Variants in SAMHD1 observed in about 807,000 individuals in gnomAD.
SAMHD1 encodes the protein deoxynucleoside triphosphate triphosphohydrolase SAMHD1.
A neutral mutation model predicts 79.6 loss-of-function variants in SAMHD1; 54 were observed. The ratio of observed to expected loss-of-function variants is 0.68; its 90% CI spans 0.55 to 0.85. SAMHD1 has a LOEUF of 0.85. Ranked by LOEUF, SAMHD1 falls within the 40% of genes least tolerant of loss-of-function variation. The pLI, the probability that SAMHD1 is intolerant of heterozygous loss-of-function variation, is 0.00. For synonymous variants in SAMHD1, 260 were observed against 264.1 expected (o/e 0.98, Z 0.15); for missense variants, 663 against 782.7 (o/e 0.85, Z 1.82).
intron 3 of SAMHD1, chr20:36,940,821 C>A (rs1388409874): frequency 6.8e-6 from 4 of 589,118 alleles, no homozygotes; most frequent in African/African-American, 1.9e-5. Context: ...TAGTGGTCTA[C>A]TTATGCTTTT....
Position 36,930,780 on chromosome 20 carries a change from G to A in SAMHD1, c.605C>T (p.Ala202Val), listed in dbSNP as rs1568776699. ...CTTACCGAGATCATGACAAAGTCCA[G>A]CAATCTGAACACAGAGAACATCTCG... ...SERDVLCVQI[A>V]GLCHDLGHGP... Residue 202 changes from alanine (A) to valine (V), a missense_variant, in exon 5 of 16, where the codon GCT becomes GTT. Transcript: ENST00000646673. 8 of 1,612,902 alleles carry A rather than the reference G, an allele frequency of 5.0e-6. No homozygotes were observed. Among genetic ancestry groups the A allele is most frequent in the Non-Finnish European group, 5.1e-6 (6 of 1,179,148 alleles).
At chr20:36,906,893 G>T (rs567876818) in intron 11 of SAMHD1, among the ~76,000 whole-genome samples, 26 of 151,636 alleles carry the variant, frequency 1.7e-4, no homozygotes, top group Non-Finnish European at 3.4e-4. Flanking sequence ...CTAGGTTCAA[G>T]TGATTCTCGT....
At chr20:36,915,848 A>G (rs2063471029) in intron 9 of SAMHD1, among the ~76,000 whole-genome samples, 1 of 152,094 alleles carries the variant, frequency 6.6e-6, no homozygotes, top group African/African-American at 2.4e-5. Context: ...ATTTTTCAAC[A>G]CTAATACAGT....
At chr20:36,903,179 C>T (rs1457447497) in intron 13 of SAMHD1, among the ~76,000 whole-genome samples, 1 of 152,170 alleles carries the variant, frequency 6.6e-6, no homozygotes, top group Non-Finnish European at 1.5e-5. Flanking sequence ...GTATGTTAAA[C>T]TAGTGATTTT....
At chr20:36,902,693 A>G (rs1267758790) in intron 13 of SAMHD1, among the ~76,000 whole-genome samples, 2 of 151,774 alleles carry the variant, frequency 1.3e-5, no homozygotes, top group Non-Finnish European at 2.9e-5. Context: ...AAGAGAGTTG[A>G]GGGTAACTGC....
Position 36,892,235 on chromosome 20 carries a change from C to T in SAMHD1, c.*697G>A, listed in dbSNP as rs538105455. The T allele has an allele frequency of 6.5e-6, 1 of 154,042 alleles. No homozygotes were observed. Among genetic ancestry groups the T allele is most frequent in the East Asian group, 1.9e-4 (1 of 5,238 alleles). 9.5% of individuals were successfully genotyped at this position (154,042 alleles called of 1,614,324 possible). ...TCTCACCAGCGTGTTGGAGGCCACT[C>T]CTGGCCATCATCTCCAACTCTTTAC... On this transcript the variant is annotated 3_prime_UTR_variant, in exon 16 of 16. Coordinates refer to ENST00000646673, the MANE Select transcript of SAMHD1 (RefSeq NM_015474.4).
At chr20:36,949,380 G>A (rs928983760) in intron 1 of SAMHD1, among the ~76,000 whole-genome samples, 5 of 151,620 alleles carry the variant, frequency 3.3e-5, no homozygotes, top group South Asian at 2.1e-4. Flanking sequence ...TTAGGAGGCC[G>A]AGGTGGGTGG....
intron 11 of SAMHD1, 139 bp from the exon 12 acceptor site, chr20:36,905,642 A>T (rs1210362040): frequency 2.5e-6 from 2 of 796,208 alleles, no homozygotes; most frequent in Admixed American, 2.5e-5. Context: ...TGTGAGAAAA[A>T]TTTTTAAAAG....
At chr20:36,944,942 AG>A (rs1600393112) in intron 2 of SAMHD1, among the ~76,000 whole-genome samples, 1 of 152,236 alleles carries the variant, frequency 6.6e-6, no homozygotes, top group African/African-American at 2.4e-5. Flanking sequence ...AGATCATTAA[AG>A]GAGCCCCACT....
intron 4 of SAMHD1, 25 bp downstream of exon 4, chr20:36,935,004 G>A: frequency 6.2e-7 from 1 of 1,611,898 alleles, no homozygotes; most frequent in Non-Finnish European, 8.5e-7. Context: ...AAAACTGCAA[G>A]TTCCCCACCC....
chr20:36,898,884 C>T (rs1226862278), intron 13 of SAMHD1, among the ~76,000 whole-genome samples: 2 of 143,586 alleles, frequency 1.4e-5, no homozygotes, highest in African/African-American at 5.3e-5. Flanking sequence ...TGCACTCCAG[C>T]CTGGCGACAG....
At chr20:36,937,863 T>TTG (rs1267563819) in intron 3 of SAMHD1, among the ~76,000 whole-genome samples, 5 of 151,390 alleles carry the variant, frequency 3.3e-5, no homozygotes, top group African/African-American at 1.2e-4. Context: ...TTGGTTTGTT[T>TTG]TTTTTTTTTT....
At chr20:36,944,112 C>G (rs1290538915) in intron 2 of SAMHD1, among the ~76,000 whole-genome samples, 1 of 146,254 alleles carries the variant, frequency 6.8e-6, no homozygotes, top group African/African-American at 2.5e-5. Context: ...TTTGGGAGGC[C>G]TGAGGCGGGC....
chr20:36,913,065 C>A (rs1312809704), intron 9 of SAMHD1, among the ~76,000 whole-genome samples: 1 of 144,558 alleles, frequency 6.9e-6, no homozygotes, highest in Non-Finnish European at 1.5e-5. Flanking sequence ...GGCGCCATCT[C>A]GGCTCACTGC....
At chr20:36,909,235 T>G (rs2148363420) in intron 11 of SAMHD1, among the ~76,000 whole-genome samples, 1 of 152,252 alleles carries the variant, frequency 6.6e-6, no homozygotes, top group Middle Eastern at 3.4e-3. Context: ...GTGCTGGGAT[T>G]ACAGGCGTAA....
At chr20:36,930,308 CA>C (rs1285553505) in intron 5 of SAMHD1, among the ~76,000 whole-genome samples, 1 of 151,874 alleles carries the variant, frequency 6.6e-6, no homozygotes, top group Non-Finnish European at 1.5e-5. Flanking sequence ...CCAGCCTGGC[CA>C]ACATGGTGAA....
chr20:36,948,444 T>G (rs34089924), intron 1 of SAMHD1, among the ~76,000 whole-genome samples: 5 of 151,600 alleles, frequency 3.3e-5, no homozygotes, highest in Non-Finnish European at 7.4e-5. Context: ...GTAGAGACGG[T>G]GTTTCACCAT....
At chr20:36,933,915 G>A (rs372874767) in intron 4 of SAMHD1, among the ~76,000 whole-genome samples, 1 of 151,962 alleles carries the variant, frequency 6.6e-6, no homozygotes, top group South Asian at 2.1e-4. Context: ...GCGTGGTGGT[G>A]GGCACCTGTA....
Position 36,951,443 on chromosome 20 carries a change from G to C in SAMHD1, c.201C>G (p.Asn67Lys). ...GGFEEPVLLK[N>K]IRENEITGAL... The stretch of plus-strand genomic sequence containing the variant: ...CCCCTCCGGAGCCGCTACCTCGGAT[G>C]TTCTTCAGCAGCACCGGCTCTTCAA... The change falls in exon 1 of 16, where the codon AAC (asparagine) becomes AAG (lysine). Residue 67 changes from asparagine to lysine, a missense_variant. Asn to Lys is a moderately conservative substitution (Grantham distance 94). Transcript: ENST00000646673. 1 of 1,614,002 alleles carries C rather than the reference G, an allele frequency of 6.2e-7. No individual in the cohort carries two copies. The highest frequency in any genetic ancestry group is 8.5e-7 in the Non-Finnish European group (1 of 1,179,968).
Sources: allele counts gnomAD v4.1 joint callset (sites outside exome capture counted in the v4.1 genomes callset), GRCh38; gene constraint gnomAD v4.1.1; transcripts MANE v1.5; gene names NCBI Gene and HGNC (gene_info 2026-07-23, HGNC 2026-07-21).